The following GPC6 variants were observed in gnomAD, a reference collection of about 807,000 sequenced individuals.
The protein encoded by GPC6 is glypican-6.
In GPC6, 14 loss-of-function variants were observed where a neutral mutation model predicts 55.2. That is an observed-to-expected ratio of 0.25 (90% CI 0.17 to 0.40). The LOEUF is 0.40. Among genes scored for constraint, GPC6 ranks in the 10% least tolerant of loss-of-function variants. The pLI, the probability that GPC6 is intolerant of heterozygous loss-of-function variation, is 1.00. For missense variants in GPC6, 641 were observed against 708.5 expected, an observed-to-expected ratio of 0.90 and a Z score of 1.08; for synonymous variants, 278 against 259.6, an observed-to-expected ratio of 1.07 and a Z score of -0.68.
intron 1 of GPC6, among the ~76,000 whole-genome samples, chr13:93,484,579 G>T (rs1183546313): frequency 6.6e-6 from 1 of 151,656 alleles, no homozygotes; most frequent in Non-Finnish European, 1.5e-5. Flanking sequence ...TCTCTTTTTT[G>T]CAGGTTTTAT....
chr13:94,180,876 CACAG>C (rs1247170647), intron 4 of GPC6, among the ~76,000 whole-genome samples: 5 of 141,638 alleles, frequency 3.5e-5, no homozygotes, highest in East Asian at 2.0e-4. Flanking sequence ...GAGAGACACA[CACAG>C]AGAGAGAGAG....
At chr13:93,393,127 T>TAGAGAGAGAGAG (rs144440794) in intron 1 of GPC6, among the ~76,000 whole-genome samples, 2 of 87,624 alleles carry the variant, frequency 2.3e-5, no homozygotes, top group African/African-American at 7.9e-5. Context: ...TATATATATA[T>TAGAGAGAGAGAG]AGAGAGAGAG....
At chr13:93,486,296 A>G (rs1445875000) in intron 1 of GPC6, among the ~76,000 whole-genome samples, 1 of 152,322 alleles carries the variant, frequency 6.6e-6, no homozygotes, top group Admixed American at 6.5e-5. Flanking sequence ...GGAATTATAC[A>G]TGACAAGGAA....
At chr13:93,680,334 C>A (rs1221139176) in intron 2 of GPC6, among the ~76,000 whole-genome samples, 1 of 152,124 alleles carries the variant, frequency 6.6e-6, no homozygotes, top group Non-Finnish European at 1.5e-5. Flanking sequence ...ACCGACTATG[C>A]CAACACCTTG....
intron 3 of GPC6, among the ~76,000 whole-genome samples, chr13:93,845,016 G>A (rs1888117131): frequency 6.6e-6 from 1 of 151,816 alleles, no homozygotes; most frequent in African/African-American, 2.4e-5. Flanking sequence ...CTCTGTTTTG[G>A]TACCAGTACC....
chr13:93,257,406 T>C (rs758161137), intron 1 of GPC6, among the ~76,000 whole-genome samples: 3 of 152,246 alleles, frequency 2.0e-5, no homozygotes, highest in Non-Finnish European at 4.4e-5. Flanking sequence ...TCTCTCGTTA[T>C]AGCAAAAGTA....
At chr13:93,489,908 T>A (rs892479085) in intron 1 of GPC6, among the ~76,000 whole-genome samples, 12 of 151,612 alleles carry the variant, frequency 7.9e-5, no homozygotes, top group Non-Finnish European at 1.3e-4. Flanking sequence ...TCATGTCATC[T>A]GCAAACAGGG....
At chr13:93,879,856 A>T (rs950023340) in intron 3 of GPC6, among the ~76,000 whole-genome samples, 1 of 152,024 alleles carries the variant, frequency 6.6e-6, no homozygotes, top group African/African-American at 2.4e-5. Context: ...ATGAACTCAA[A>T]CAAATTTACA....
intron 4 of GPC6, among the ~76,000 whole-genome samples, chr13:94,139,852 TG>T (rs894603235): frequency 1.3e-5 from 2 of 152,200 alleles, no homozygotes; most frequent in Non-Finnish European, 2.9e-5. Flanking sequence ...TGTAGCTTCC[TG>T]GGGCTACAGT....
At chr13:94,011,053 C>G (rs1882225527) in intron 3 of GPC6, among the ~76,000 whole-genome samples, 1 of 152,108 alleles carries the variant, frequency 6.6e-6, no homozygotes, top group Non-Finnish European at 1.5e-5. Context: ...TATTGATATA[C>G]TATCATGATA....
intron 1 of GPC6, among the ~76,000 whole-genome samples, chr13:93,251,990 A>C (rs1007440263): frequency 6.6e-6 from 1 of 152,184 alleles, no homozygotes; most frequent in Admixed American, 6.5e-5. Flanking sequence ...TTTTACCATC[A>C]GGAGAATGAT....
At chr13:94,128,960 C>A (rs1886918652) in intron 4 of GPC6, among the ~76,000 whole-genome samples, 1 of 152,080 alleles carries the variant, frequency 6.6e-6, no homozygotes, top group African/African-American at 2.4e-5. Flanking sequence ...AAGCATTTTT[C>A]TGAAATTCAC....
At chr13:94,189,306 C>T (rs1476903320) in intron 4 of GPC6, among the ~76,000 whole-genome samples, 1 of 152,116 alleles carries the variant, frequency 6.6e-6, no homozygotes, top group Non-Finnish European at 1.5e-5. Context: ...ATGTGAGTTT[C>T]ACATAAGAGC....
intron 4 of GPC6, among the ~76,000 whole-genome samples, chr13:94,195,942 A>G (rs1263674497): frequency 6.6e-6 from 1 of 152,254 alleles, no homozygotes; most frequent in African/African-American, 2.4e-5. Flanking sequence ...TTCCTGAGAT[A>G]TGGCCCAAAG....
chr13:93,538,729 A>G (rs555736121), intron 1 of GPC6, among the ~76,000 whole-genome samples: 1 of 152,204 alleles, frequency 6.6e-6, no homozygotes, highest in Non-Finnish European at 1.5e-5. Context: ...AAAGTCACCT[A>G]CTCTCTGGGT....
Position 94,160,717 on chromosome 13 carries a change from C to T in GPC6, c.878-125632C>T, listed in dbSNP as rs1352541719. Among the ~76,000 whole-genome samples the T allele has an allele frequency of 2.6e-5, 4 of 152,290 alleles. No individual in the cohort carries two copies. The East Asian group carries it at 5.8e-4, about 22-fold the overall frequency. On this transcript the variant is annotated intron_variant, in intron 4 of 8. Transcript: ENST00000377047. ...CCACTCCAGGCCTCTTGGTCTGGATCCTACAAGTACTAAACATAGCCCTTT... is the reference window on the plus strand; with the variant it reads ...CCACTCCAGGCCTCTTGGTCTGGATTCTACAAGTACTAAACATAGCCCTTT...
chr13:93,652,243 C>T (rs529275222), intron 2 of GPC6, among the ~76,000 whole-genome samples: 46 of 152,150 alleles, frequency 3.0e-4, no homozygotes, highest in East Asian at 5.8e-4. Context: ...TATTGATTAG[C>T]GGTGAATTTA....
chr13:93,373,894 AT>A (rs1874778591), intron 1 of GPC6, among the ~76,000 whole-genome samples: 1 of 152,152 alleles, frequency 6.6e-6, no homozygotes, highest in Admixed American at 6.6e-5. Flanking sequence ...TGTGCAAATT[AT>A]TTTTAGCAGA....
chr13:94,369,261 A>ATTGG (rs1296632105), intron 6 of GPC6, among the ~76,000 whole-genome samples: 2 of 152,218 alleles, frequency 1.3e-5, no homozygotes, highest in Non-Finnish European at 2.9e-5. Context: ...CACAACAGGT[A>ATTGG]GCCAGTGAGG....
Sources: allele counts gnomAD v4.1 joint callset (sites outside exome capture counted in the v4.1 genomes callset), GRCh38; gene constraint gnomAD v4.1.1; transcripts MANE v1.5; gene names NCBI Gene and HGNC (gene_info 2026-07-23, HGNC 2026-07-21).